Variants in CTNNA3 observed in about 807,000 individuals in gnomAD.
CTNNA3 encodes the protein catenin alpha 3.
CTNNA3 carries 76 observed loss-of-function variants against 95.7 expected under a neutral mutation model. That is an observed-to-expected ratio of 0.79 (90% confidence interval 0.66 to 0.96). The LOEUF (loss-of-function observed/expected upper bound fraction) is 0.96, where lower values mean the gene tolerates loss of function less well. Ranked by LOEUF, CTNNA3 falls within the 40% of genes least tolerant of loss-of-function variation. The probability of loss-of-function intolerance (pLI) is 0.00; values close to 1 mark genes in which losing one functional copy is unlikely to be tolerated. For missense variants in CTNNA3, 1,191 were observed against 1,089.8 expected (o/e 1.09, Z -1.31); for synonymous variants, 431 against 374.4 (o/e 1.15, Z -1.74).
chr10:66,241,023 G>T (rs2090080990), intron 13 of CTNNA3, among the ~76,000 whole-genome samples: 1 of 148,090 alleles, frequency 6.8e-6, no homozygotes, highest in Admixed American at 6.9e-5. Flanking sequence ...GTGACCCATG[G>T]ATTGCCTTAC....
intron 9 of CTNNA3, among the ~76,000 whole-genome samples, chr10:66,731,865 C>G (rs907116070): frequency 2.0e-5 from 3 of 152,174 alleles, no homozygotes; most frequent in African/African-American, 7.2e-5. Flanking sequence ...TAATGAATAG[C>G]TCCTGAGCTC....
chr10:66,119,293 G>T (rs895661692), intron 13 of CTNNA3, among the ~76,000 whole-genome samples: 5 of 152,116 alleles, frequency 3.3e-5, no homozygotes, highest in African/African-American at 9.7e-5. Flanking sequence ...TTGAAACAGT[G>T]TTCACATTTT....
chr10:66,821,849 C>T (rs1305929921), intron 7 of CTNNA3, among the ~76,000 whole-genome samples: 2 of 152,110 alleles, frequency 1.3e-5, no homozygotes, highest in East Asian at 3.9e-4. Flanking sequence ...TCAAGACAGA[C>T]ACAAGAATTT....
At chr10:67,343,835 T>C (rs1842307337) in intron 5 of CTNNA3, among the ~76,000 whole-genome samples, 1 of 151,366 alleles carries the variant, frequency 6.6e-6, no homozygotes, top group Non-Finnish European at 1.5e-5. Flanking sequence ...TTCCAGATCT[T>C]AGTGGAAAGG....
intron 7 of CTNNA3, among the ~76,000 whole-genome samples, chr10:66,920,923 C>T (rs947520542): frequency 6.6e-6 from 1 of 152,142 alleles, no homozygotes; most frequent in Non-Finnish European, 1.5e-5. Context: ...CTGCTAACAC[C>T]CTGGCCCAAA....
At chr10:67,359,550 T>C (rs956107029) in intron 5 of CTNNA3, among the ~76,000 whole-genome samples, 15 of 152,114 alleles carry the variant, frequency 9.9e-5, no homozygotes, top group Non-Finnish European at 1.8e-4. Context: ...ACTGAACTTA[T>C]AGAATTGAAA....
intron 14 of CTNNA3, among the ~76,000 whole-genome samples, chr10:66,076,462 G>A (rs1021513785): frequency 5.9e-5 from 9 of 151,494 alleles, no homozygotes; most frequent in Non-Finnish European, 1.3e-4. Flanking sequence ...TTAACATTTA[G>A]GAATTGGAGT....
chr10:66,738,717 A>C (rs1849229459), intron 9 of CTNNA3, among the ~76,000 whole-genome samples: 1 of 152,036 alleles, frequency 6.6e-6, no homozygotes, highest in Non-Finnish European at 1.5e-5. Context: ...GTGTACATCC[A>C]GATATTCCTT....
intron 3 of CTNNA3, among the ~76,000 whole-genome samples, chr10:67,573,794 A>C (rs1180417966): frequency 1.3e-5 from 2 of 151,672 alleles, no homozygotes; most frequent in African/African-American, 4.9e-5. Flanking sequence ...ACATTATCAC[A>C]ATTAAAAATA....
In CTNNA3 at chr10:67,701,860, T is replaced by C. The variant is rs1171411654; in HGVS notation, c.-1-54346A>G. ...TGGATAAAGAGTCAAGACCCATCAG[T>C]GTGCTGTATTCAGGAAACCCATCTC... On this transcript the variant is annotated intron_variant, in intron 1 of 17. Coordinates refer to the CTNNA3 transcript ENST00000684154. Among the ~76,000 whole-genome samples, 4 of 152,218 alleles carry C rather than the reference T, an allele frequency of 2.6e-5. No individual in the cohort carries two copies. In the East Asian group the frequency reaches 7.7e-4, roughly 29 times the overall value.
At position 67,353,772 on chromosome 10, in the gene CTNNA3, T is replaced by C. The variant is rs564008255; in HGVS notation, c.580-133902A>G. Among the ~76,000 whole-genome samples, 5 of 152,022 alleles carry C rather than the reference T, an allele frequency of 3.3e-5. No homozygotes were observed. The South Asian group carries it at 8.3e-4, about 25-fold the overall frequency. On this transcript the variant is annotated intron_variant, in intron 5 of 17. Transcript: ENST00000433211. Reference sequence around the variant, plus strand: ...ACTCAATAAATATTTGTTAAATAAGTAGATGAATGTGTGAGTGAACGGATG... The same window carrying C: ...ACTCAATAAATATTTGTTAAATAAGCAGATGAATGTGTGAGTGAACGGATG...
intron 10 of CTNNA3, among the ~76,000 whole-genome samples, chr10:66,548,377 G>C (rs112172145): frequency 1.3e-5 from 2 of 152,070 alleles, no homozygotes; most frequent in Non-Finnish European, 2.9e-5. Flanking sequence ...ATTTGTCTTT[G>C]CATTGTATTT....
At chr10:66,557,965 G>A (rs1432932963) in intron 10 of CTNNA3, among the ~76,000 whole-genome samples, 1 of 152,082 alleles carries the variant, frequency 6.6e-6, no homozygotes, top group African/African-American at 2.4e-5. Context: ...AATTGAGTCT[G>A]TGGAGGTATT....
intron 12 of CTNNA3, among the ~76,000 whole-genome samples, chr10:66,347,061 T>G: frequency 6.6e-6 from 1 of 152,102 alleles, no homozygotes; most frequent in East Asian, 1.9e-4. Context: ...TAGAGTGATC[T>G]AATATAGTAT....
At chr10:66,299,508 A>T (rs2091830468) in intron 12 of CTNNA3, among the ~76,000 whole-genome samples, 1 of 152,218 alleles carries the variant, frequency 6.6e-6, no homozygotes, top group Non-Finnish European at 1.5e-5. Context: ...CCAATGAACC[A>T]TGCATAAAAG....
chr10:66,948,398 T>G (rs1246899320), intron 7 of CTNNA3, among the ~76,000 whole-genome samples: 1 of 152,194 alleles, frequency 6.6e-6, no homozygotes, highest in East Asian at 1.9e-4. Context: ...AAGGATAGGA[T>G]AAAAGACAAA....
chr10:67,081,137 C>T (rs962952520), intron 7 of CTNNA3, among the ~76,000 whole-genome samples: 1 of 152,090 alleles, frequency 6.6e-6, no homozygotes, highest in African/African-American at 2.4e-5. Flanking sequence ...ACAGACAGAG[C>T]TTATACATTT....
At chr10:65,969,419 G>T (rs531865931) in intron 16 of CTNNA3, among the ~76,000 whole-genome samples, 8 of 152,204 alleles carry the variant, frequency 5.3e-5, no homozygotes, top group African/African-American at 1.9e-4. Flanking sequence ...CTCCAGCTAT[G>T]GTCCCCAGCA....
intron 17 of CTNNA3, among the ~76,000 whole-genome samples, chr10:65,927,645 T>C (rs2077187795): frequency 6.6e-6 from 1 of 152,238 alleles, no homozygotes; most frequent in East Asian, 1.9e-4. Flanking sequence ...ATTTTATTTA[T>C]TGCTGAGAAG....
Sources: allele counts gnomAD v4.1 joint callset (sites outside exome capture counted in the v4.1 genomes callset), GRCh38; gene constraint gnomAD v4.1.1; transcripts MANE v1.5; gene names NCBI Gene and HGNC (gene_info 2026-07-23, HGNC 2026-07-21).